Variants in JADE1 observed in about 807,000 individuals in gnomAD.
JADE1 encodes jade family PHD finger 1.
JADE1 carries 14 observed loss-of-function variants against 81.8 expected under a neutral mutation model. The ratio of observed to expected loss-of-function variants is 0.17; its 90% CI spans 0.11 to 0.27. The LOEUF is 0.27. JADE1 is among the 10% of genes least tolerant of loss of function. The pLI is 1.00. For missense variants in JADE1, 690 were observed against 1,047.9 expected, an observed-to-expected ratio of 0.66 and a Z score of 4.71; for synonymous variants, 353 against 391.9, an observed-to-expected ratio of 0.90 and a Z score of 1.17.
At chr4:128,865,401 T>C (rs1731708356) in intron 9 of JADE1, among the ~76,000 whole-genome samples, 1 of 152,162 alleles carries the variant, frequency 6.6e-6, no homozygotes, top group Non-Finnish European at 1.5e-5. Flanking sequence ...TTTAAGGTGG[T>C]GTGAGAGTGC....
Position 128,831,932 on chromosome 4 carries a change from C to G in JADE1, c.52+122C>G, listed in dbSNP as rs1728593742. 4.6e-6 allele frequency: 4 copies of G among 876,792 alleles called. No homozygotes were observed. The East Asian group carries it at 7.3e-5, about 16-fold the overall frequency. The allele number at this position is 876,792 out of a possible 1,614,324, so 54.3% of individuals were successfully genotyped here. A position where few individuals can be genotyped will look rare whatever the true frequency, so the allele number is the denominator to read the frequency against. On this transcript the variant is annotated intron_variant, in intron 2 of 10. Transcript: ENST00000226319. Reference sequence around the variant, plus strand: ...TGCATGTCAGGCAGGTCAGAGAAAGCCAAAGCCTGGAGAAACGTACCTGAG... The same window carrying G: ...TGCATGTCAGGCAGGTCAGAGAAAGGCAAAGCCTGGAGAAACGTACCTGAG...
chr4:128,821,452 G>A (rs1201657620), intron 1 of JADE1, among the ~76,000 whole-genome samples: 4 of 150,306 alleles, frequency 2.7e-5, no homozygotes, highest in Non-Finnish European at 5.9e-5. Flanking sequence ...TTCCAAAGTA[G>A]TACTACTGTG....
intron 2 of JADE1, among the ~76,000 whole-genome samples, chr4:128,841,929 T>C (rs1356795946): frequency 6.6e-6 from 1 of 151,844 alleles, no homozygotes; most frequent in Non-Finnish European, 1.5e-5. Context: ...AGAGAAGAGA[T>C]CAGACTTGGC....
chr4:128,866,344 G>A (rs896176585), intron 9 of JADE1, among the ~76,000 whole-genome samples: 3 of 152,194 alleles, frequency 2.0e-5, no homozygotes, highest in Admixed American at 6.5e-5. Context: ...GGGAAGATCC[G>A]TAAAGTGAAT....
At chr4:128,864,725 A>T (rs1282047972) in intron 9 of JADE1, 1 of 411,450 alleles carries the variant, frequency 2.4e-6, no homozygotes, top group African/African-American at 2.2e-5. Context: ...TGTGACTACA[A>T]TCAAGGCATA....
chr4:128,820,118 C>CTTTTTTTT (rs869238548), intron 1 of JADE1, among the ~76,000 whole-genome samples: 4 of 48,408 alleles, frequency 8.3e-5, no homozygotes, highest in East Asian at 2.4e-3. Flanking sequence ...GGGAAGATTT[C>CTTTTTTTT]TTTTTTTTTT....
At chr4:128,847,839 C>CT (rs1180054764) in intron 4 of JADE1, among the ~76,000 whole-genome samples, 2 of 152,174 alleles carry the variant, frequency 1.3e-5, no homozygotes, top group Admixed American at 6.6e-5. Context: ...TGAAGGTACT[C>CT]TGACAGACTC....
chr4:128,842,531 C>T (rs777884036), intron 2 of JADE1, among the ~76,000 whole-genome samples: 36 of 152,284 alleles, frequency 2.4e-4, no homozygotes, highest in Admixed American at 6.5e-4. Flanking sequence ...AATTCCTGAC[C>T]TCAGGTGGTC....
chr4:128,867,547 C>T (rs996689946), intron 9 of JADE1, among the ~76,000 whole-genome samples: 4 of 152,170 alleles, frequency 2.6e-5, no homozygotes, highest in African/African-American at 9.7e-5. Flanking sequence ...GCCTCTGTGC[C>T]GGGATGGGTT....
chr4:128,861,888 C>A lies in JADE1; in HGVS notation c.1166C>A (p.Pro389His). 1 of 1,614,126 alleles carries A rather than the reference C, an allele frequency of 6.2e-7. No homozygotes were observed. The highest frequency in any genetic ancestry group is 1.1e-5 in the South Asian group (1 of 91,084). The change falls in exon 9 of 11, where the codon CCT becomes CAT. Residue 389 changes from proline to histidine, a missense_variant. Pro to His is a moderately conservative substitution (Grantham distance 77). Around this residue, in one of 8 missense-constraint regions of JADE1, gnomAD observed 77 missense variants for 76.4 expected, o/e 1.01. Coordinates refer to ENST00000226319, the MANE Select transcript of JADE1 (RefSeq NM_199320.4). The part of the protein sequence containing the change: ...GKGAAQENGA[P>H]ECSPRNPLEP... ...GGGGCTGCACAGGAGAATGGGGCCC[C>A]TGAGTGTTCCCCCCGGAATCCGCTG...
At chr4:128,842,306 C>CTTTCTT (rs534706270) in intron 2 of JADE1, among the ~76,000 whole-genome samples, 12 of 144,652 alleles carry the variant, frequency 8.3e-5, no homozygotes, top group African/African-American at 2.8e-4. Context: ...TTCTTTCTTT[C>CTTTCTT]TTTTTTTTTT....
At chr4:128,859,831 AAAG>A (rs1487824632) in intron 8 of JADE1, among the ~76,000 whole-genome samples, 1 of 152,196 alleles carries the variant, frequency 6.6e-6, no homozygotes, top group African/African-American at 2.4e-5. Flanking sequence ...ACATTAATCT[AAAG>A]AAGAGGCCAA....
intron 8 of JADE1, 125 bp from the exon 9 acceptor site, chr4:128,861,579 A>G (rs988434040): frequency 8.2e-6 from 9 of 1,094,016 alleles, no homozygotes; most frequent in Non-Finnish European, 1.1e-5. Flanking sequence ...CTTTCCTGTC[A>G]TGGCACATGC....
intron 7 of JADE1, among the ~76,000 whole-genome samples, chr4:128,856,650 T>C (rs1730820681): frequency 6.6e-6 from 1 of 152,262 alleles, no homozygotes. Context: ...TAATATAATT[T>C]GCATAGCTCA....
chr4:128,855,457 G>C (rs1429223103), intron 6 of JADE1, among the ~76,000 whole-genome samples, 173 bp from the exon 7 acceptor site: 1 of 152,258 alleles, frequency 6.6e-6, no homozygotes, highest in Admixed American at 6.5e-5. Flanking sequence ...CTGTGAGGCT[G>C]CCGGGCATTT....
In JADE1 at chr4:128,814,567, C is replaced by CT. The variant is rs376501164; in HGVS notation, c.-27+4706dup. ...AATATACCATCTGTAAGGATTTTTT[C>CT]TTTTTTTTTTTTTTTTGAGATGAAG... On this transcript the variant is annotated intron_variant, in intron 1 of 10. Coordinates refer to ENST00000226319, the MANE Select transcript of JADE1 (RefSeq NM_199320.4). Among the ~76,000 whole-genome samples, 1,119 of 135,176 alleles carry CT rather than the reference C, an allele frequency of 8.3e-3. 3 individuals carry two copies. The highest frequency in any genetic ancestry group is 0.026 in the East Asian group (121 of 4,722). The allele number at this position is 135,176 out of a possible 152,430, so 88.7% of individuals were successfully genotyped here. A position where few individuals can be genotyped will look rare whatever the true frequency, so the allele number is the denominator to read the frequency against.
chr4:128,870,867 G>A (rs1030542573), intron 10 of JADE1, among the ~76,000 whole-genome samples: 39 of 152,198 alleles, frequency 2.6e-4, no homozygotes, highest in Non-Finnish European at 1.8e-4. Context: ...ACTTGTCCTC[G>A]TAATAGCCCT....
At chr4:128,813,940 A>T (rs1726744751) in intron 1 of JADE1, among the ~76,000 whole-genome samples, 1 of 152,006 alleles carries the variant, frequency 6.6e-6, no homozygotes, top group Admixed American at 6.6e-5. Context: ...GTAGAACTTG[A>T]ACTTGATTCC....
intron 1 of JADE1, among the ~76,000 whole-genome samples, chr4:128,821,669 T>G (rs762529722): frequency 2.6e-5 from 4 of 152,056 alleles, no homozygotes; most frequent in African/African-American, 4.8e-5. Context: ...TACAGGTGCC[T>G]GCCACCATGC....
Sources: allele counts gnomAD v4.1 joint callset (sites outside exome capture counted in the v4.1 genomes callset), GRCh38; gene constraint gnomAD v4.1.1; regional missense constraint gnomAD v4.1.1; transcripts MANE v1.5; gene names NCBI Gene and HGNC (gene_info 2026-07-23, HGNC 2026-07-21).